Variants in PIGL observed in about 807,000 individuals in gnomAD.
PIGL encodes the protein phosphatidylinositol glycan anchor biosynthesis class L.
PIGL carries 22 observed loss-of-function variants against 31.1 expected under a neutral mutation model. The ratio of observed to expected loss-of-function variants is 0.71; its 90% confidence interval spans 0.51 to 1.01. The LOEUF is 1.01. Ranked by LOEUF, PIGL falls within the 50% of genes least tolerant of loss-of-function variation. The pLI, the probability that PIGL is intolerant of heterozygous loss-of-function variation, is 0.00. For missense variants in PIGL, 302 were observed against 315.9 expected (o/e 0.96, Z 0.33); for synonymous variants, 131 against 117.4 (o/e 1.12, Z -0.75).
chr17:16,233,504 G>A (rs1427996475), intron 1 of PIGL, among the ~76,000 whole-genome samples: 2 of 152,180 alleles, frequency 1.3e-5, no homozygotes, highest in East Asian at 1.9e-4. Flanking sequence ...TAATACTCAG[G>A]AGTAGCAACC....
chr17:16,307,958 T>G (rs533509949), intron 3 of PIGL, among the ~76,000 whole-genome samples: 30 of 145,318 alleles, frequency 2.1e-4, no homozygotes, highest in African/African-American at 7.4e-4. Flanking sequence ...AGGGAGACCT[T>G]GTCTCAAAAA....
intron 1 of PIGL, among the ~76,000 whole-genome samples, chr17:16,233,533 A>G (rs780740145): frequency 1.3e-5 from 2 of 152,012 alleles, no homozygotes; most frequent in Non-Finnish European, 2.9e-5. Flanking sequence ...CTTTTTCTAT[A>G]CCAACAAGAA....
Position 16,294,487 on chromosome 17 carries a change from G to A in PIGL, c.336-5401G>A, listed in dbSNP as rs3785624. On this transcript the variant is annotated intron_variant, in intron 2 of 6. Transcript: ENST00000225609. ...TCTCCCCGCTGCCCTCTATAACCAAGCACCTGGCAGGTTATTGCTTTTCCA... is the reference window on the plus strand; with the variant it reads ...TCTCCCCGCTGCCCTCTATAACCAAACACCTGGCAGGTTATTGCTTTTCCA... 6.2e-4 allele frequency among the ~76,000 whole-genome samples: 95 copies of A among 152,162 alleles called. 7 individuals carry two copies. In the East Asian group the frequency reaches 0.018, roughly 29 times the overall value.
At chr17:16,311,857 CCTT>C (rs1175680215) in intron 3 of PIGL, among the ~76,000 whole-genome samples, 1 of 151,712 alleles carries the variant, frequency 6.6e-6, no homozygotes, top group African/African-American at 2.4e-5. Context: ...AGGTCTACCT[CCTT>C]CTACACAGAC....
chr17:16,321,352 T>C (rs1223337503), intron 6 of PIGL, among the ~76,000 whole-genome samples: 2 of 151,802 alleles, frequency 1.3e-5, no homozygotes, highest in Non-Finnish European at 2.9e-5. Context: ...GTGATTTTTC[T>C]GCATCACACT....
At chr17:16,229,858 ATTTTT>A (rs71150280) in intron 1 of PIGL, among the ~76,000 whole-genome samples, 4 of 97,700 alleles carry the variant, frequency 4.1e-5, no homozygotes, top group Non-Finnish European at 7.3e-5. Flanking sequence ...TAAAGTCATG[ATTTTT>A]TTTTTTTTTT....
chr17:16,259,498 C>T (rs2092810540), intron 2 of PIGL, among the ~76,000 whole-genome samples: 1 of 151,508 alleles, frequency 6.6e-6, no homozygotes, highest in African/African-American at 2.4e-5. Flanking sequence ...AGAGTGAGAC[C>T]CTGTCTCTAT....
intron 1 of PIGL, among the ~76,000 whole-genome samples, chr17:16,232,943 C>A (rs1174480317): frequency 6.6e-6 from 1 of 151,910 alleles, no homozygotes; most frequent in African/African-American, 2.4e-5. Context: ...CATGGTGAAA[C>A]CCCATCTCAA....
intron 5 of PIGL, 178 bp from the exon 6 acceptor site, chr17:16,317,597 C>A: frequency 7.1e-7 from 1 of 1,409,020 alleles, no homozygotes; most frequent in Non-Finnish European, 9.3e-7. Flanking sequence ...CCCTTTTACT[C>A]GTTCTAGCTG....
At chr17:16,322,009 C>T (rs1194895684) in intron 6 of PIGL, among the ~76,000 whole-genome samples, 1 of 152,158 alleles carries the variant, frequency 6.6e-6, no homozygotes, top group Non-Finnish European at 1.5e-5. Flanking sequence ...GTCTCGAACT[C>T]CCGACCTCAG....
intron 2 of PIGL, among the ~76,000 whole-genome samples, chr17:16,263,384 T>C (rs2092827255): frequency 6.6e-6 from 1 of 152,092 alleles, no homozygotes; most frequent in Non-Finnish European, 1.5e-5. Context: ...CTCACTATGT[T>C]GTCCAGTCTG....
chr17:16,311,165 C>G (rs113584635), intron 3 of PIGL, among the ~76,000 whole-genome samples: 83 of 152,190 alleles, frequency 5.5e-4, no homozygotes, highest in African/African-American at 1.9e-3. Context: ...TCCTTGGGGA[C>G]AGCTTGCCTC....
At chr17:16,279,084 C>T (rs2092906787) in intron 2 of PIGL, among the ~76,000 whole-genome samples, 1 of 152,204 alleles carries the variant, frequency 6.6e-6, no homozygotes, top group African/African-American at 2.4e-5. Flanking sequence ...CAAAGTTGGC[C>T]AATTGGTGCT....
At chr17:16,313,726 T>C (rs2093064649) in intron 4 of PIGL, 112 bp downstream of exon 4, 5 of 856,466 alleles carry the variant, frequency 5.8e-6, no homozygotes, top group Non-Finnish European at 9.9e-6. Flanking sequence ...TGAAACTCAC[T>C]GCTGGCTTAT....
chr17:16,317,886 G>A lies in PIGL; in HGVS notation c.638G>A (p.Ser213Asn). The A allele has an allele frequency of 6.2e-7, 1 of 1,613,580 alleles. No homozygotes were observed. Among genetic ancestry groups the A allele is most frequent in the Non-Finnish European group, 8.5e-7 (1 of 1,180,026 alleles). Residue 213 changes from serine to asparagine, a missense_variant, in exon 6 of 7, where the codon AGC (serine) becomes AAC (asparagine). Transcript: ENST00000225609. The part of the protein sequence containing the change: ...HTQDVLFVLN[S>N]KEVAQAKKAM... ...CAGGATGTCCTCTTCGTGCTCAACA[G>A]CAAAGAAGTGGCACAGGCCAAGGTG...
At chr17:16,308,930 G>A (rs989269538) in intron 3 of PIGL, among the ~76,000 whole-genome samples, 2 of 151,750 alleles carry the variant, frequency 1.3e-5, no homozygotes, top group Non-Finnish European at 2.9e-5. Flanking sequence ...GAGACTACAG[G>A]CACGTGCCAC....
At chr17:16,260,878 G>A (rs2092816498) in intron 2 of PIGL, among the ~76,000 whole-genome samples, 1 of 152,136 alleles carries the variant, frequency 6.6e-6, no homozygotes, top group African/African-American at 2.4e-5. Flanking sequence ...CCAGCACTTT[G>A]GGAGGCTGAG....
chr17:16,224,167 A>T (rs2092641432), intron 1 of PIGL, among the ~76,000 whole-genome samples: 1 of 151,746 alleles, frequency 6.6e-6, no homozygotes, highest in Admixed American at 6.6e-5. Context: ...GTGAGCCAAG[A>T]TTGCGCCACT....
chr17:16,298,798 T>TG (rs1395146974), intron 2 of PIGL, among the ~76,000 whole-genome samples: 1 of 151,948 alleles, frequency 6.6e-6, no homozygotes, highest in African/African-American at 2.4e-5. Context: ...GAGGCTGAGG[T>TG]GGGCAGATCA....
Sources: gnomAD v4.1 joint callset for allele counts (sites outside exome capture counted in the v4.1 genomes callset) on GRCh38, gnomAD v4.1.1 for gene constraint, MANE v1.5 for transcripts, NCBI Gene and HGNC (gene_info 2026-07-23, HGNC 2026-07-21) for gene names.